The following SHISA6 variants were observed in gnomAD, a reference collection of about 807,000 sequenced individuals.
The protein encoded by SHISA6 is shisa family member 6, also known as protein shisa-6.
In SHISA6, 22 loss-of-function variants were observed where a neutral mutation model predicts 47.9. The ratio of observed to expected loss-of-function variants is 0.46; its 90% CI spans 0.33 to 0.66. SHISA6 has a LOEUF of 0.66. SHISA6 is among the 30% of genes least tolerant of loss of function. SHISA6 has a pLI of 0.02. For synonymous variants in SHISA6, 388 were observed against 337.8 expected (o/e 1.15, Z -1.63); for missense variants, 680 against 764.6 (o/e 0.89, Z 1.30).
At chr17:11,382,232 T>G (rs1913035584) in intron 3 of SHISA6, among the ~76,000 whole-genome samples, 1 of 151,894 alleles carries the variant, frequency 6.6e-6, no homozygotes, top group Non-Finnish European at 1.5e-5. Context: ...GCTCCCATGC[T>G]CAGCTAATTT....
chr17:11,263,521 C>T lies in SHISA6; in HGVS notation c.794C>T (p.Thr265Ile). 6.4e-7 allele frequency: 1 copy of T among 1,551,682 alleles called. No homozygotes were observed. The highest frequency in any genetic ancestry group is 8.7e-7 in the Non-Finnish European group (1 of 1,146,970). The change falls in exon 2 of 6, where the codon ACT becomes ATT. Residue 265 changes from threonine (T) to isoleucine (I), a missense_variant. Physicochemically the swap from Thr to Ile is moderately conservative, Grantham distance 89. This residue lies in a region of SHISA6 where 559 missense variants were observed against 674.1 expected (regional missense o/e 0.83). Coordinates refer to ENST00000441885, the MANE Select transcript of SHISA6 (RefSeq NM_207386.4). ...ACTCCTGTGCGTACGGCCAAGCAGA[C>T]TCCAGGTAAGTAACAGCTGGGCACC... ...HYTPVRTAKQ[T>I]PGHYGKDAYR...
intron 3 of SHISA6, among the ~76,000 whole-genome samples, chr17:11,388,827 T>A (rs1913289587): frequency 1.0e-5 from 1 of 100,166 alleles, no homozygotes; most frequent in Non-Finnish European, 1.9e-5. Flanking sequence ...TATATATATA[T>A]ATATATATAT....
In SHISA6 at chr17:11,377,952, A is replaced by G. The variant is rs115555564; in HGVS notation, c.800-1462A>G. ...TGTGCAGAACGTGCAGGTTTGTTAC[A>G]TAGGTAAACATGTGCTAAGGTGGTT... On this transcript the variant is annotated intron_variant, in intron 2 of 5. Transcript: ENST00000441885. Among the ~76,000 whole-genome samples the G allele has an allele frequency of 5.5e-3, 834 of 152,356 alleles. 8 individuals are homozygous for G. The highest frequency in any genetic ancestry group is 0.019 in the African/African-American group (798 of 41,580).
intron 3 of SHISA6, among the ~76,000 whole-genome samples, chr17:11,460,323 T>C (rs1350961042): frequency 6.6e-6 from 1 of 152,114 alleles, no homozygotes; most frequent in Non-Finnish European, 1.5e-5. Flanking sequence ...ATGATAGACC[T>C]GAGTCCAGCA....
intron 2 of SHISA6, among the ~76,000 whole-genome samples, chr17:11,271,780 C>A (rs1474243991): frequency 1.3e-5 from 2 of 151,994 alleles, no homozygotes; most frequent in African/African-American, 4.8e-5. Flanking sequence ...TTTAACAAGA[C>A]CCCCTCTGCT....
Position 11,279,419 on chromosome 17 carries a change from GTAT to G in SHISA6, c.799+15899_799+15901del, listed in dbSNP as rs763585091. Among the ~76,000 whole-genome samples the G allele has an allele frequency of 2.6e-4, 39 of 152,218 alleles. No homozygotes were observed. In the Middle Eastern group the frequency reaches 0.01, roughly 40 times the overall value. On this transcript the variant is annotated intron_variant, in intron 2 of 5. Coordinates refer to ENST00000441885, the MANE Select transcript of SHISA6 (RefSeq NM_207386.4). ...GATGTGCACAAAATGGTAGCCCTTT[GTAT>G]TATTACTATTAGGGAGCTAGGATCA...
intron 2 of SHISA6, among the ~76,000 whole-genome samples, chr17:11,303,261 GGTT>G (rs1909989232): frequency 6.6e-6 from 1 of 151,520 alleles, no homozygotes; most frequent in South Asian, 2.1e-4. Context: ...GTGTGATTGT[GGTT>G]GTGAGTATGT....
intron 2 of SHISA6, among the ~76,000 whole-genome samples, chr17:11,274,615 G>C (rs1171685326): frequency 6.6e-6 from 1 of 152,148 alleles, no homozygotes; most frequent in Non-Finnish European, 1.5e-5. Context: ...ACAGAGTAAA[G>C]GCTATTTGGG....
chr17:11,254,442 A>G (rs770683495), intron 1 of SHISA6, among the ~76,000 whole-genome samples: 5 of 152,234 alleles, frequency 3.3e-5, no homozygotes, highest in Non-Finnish European at 2.9e-5. Flanking sequence ...TACGCCACTC[A>G]GATAAGAATG....
At chr17:11,344,159 A>G (rs545910719) in intron 2 of SHISA6, among the ~76,000 whole-genome samples, 20 of 152,134 alleles carry the variant, frequency 1.3e-4, no homozygotes, top group Admixed American at 1.1e-3. Flanking sequence ...TCTTTCATCT[A>G]TTTTTTATTT....
At chr17:11,397,787 G>A (rs901116151) in intron 3 of SHISA6, among the ~76,000 whole-genome samples, 1 of 151,614 alleles carries the variant, frequency 6.6e-6, no homozygotes, top group African/African-American at 2.4e-5. Context: ...TGAAGTCTTG[G>A]TTTTGCTAGG....
intron 3 of SHISA6, among the ~76,000 whole-genome samples, chr17:11,484,927 T>C (rs534357636): frequency 1.3e-5 from 2 of 152,258 alleles, no homozygotes; most frequent in Admixed American, 1.3e-4. Context: ...ATCACCAAAG[T>C]GAATCCATAA....
intron 3 of SHISA6, among the ~76,000 whole-genome samples, chr17:11,471,747 G>A (rs1272080385): frequency 1.3e-5 from 2 of 152,150 alleles, no homozygotes; most frequent in Admixed American, 6.5e-5. Context: ...GTAGTGAGGG[G>A]AGCACCATGC....
rs551617674 is a variant in SHISA6, at chr17:11,515,893, C to A, written c.896-36003C>A. On this transcript the variant is annotated intron_variant, in intron 3 of 5. Coordinates refer to ENST00000441885, the MANE Select transcript of SHISA6 (RefSeq NM_207386.4). ...ACTTTTCCTTCAAGTTGTCACAATG[C>A]AGACTTCTGCTCTGGCTGTGAGCTT... 2.0e-5 allele frequency among the ~76,000 whole-genome samples: 3 copies of A among 152,272 alleles called. No homozygotes were observed. In the South Asian group the frequency reaches 6.2e-4, roughly 32 times the overall value.
At chr17:11,366,524 G>T (rs1413793888) in intron 2 of SHISA6, among the ~76,000 whole-genome samples, 1 of 152,218 alleles carries the variant, frequency 6.6e-6, no homozygotes, top group African/African-American at 2.4e-5. Flanking sequence ...TTTAGGAGAA[G>T]ACTTTTCTGT....
intron 3 of SHISA6, among the ~76,000 whole-genome samples, chr17:11,466,794 C>G (rs1915819873): frequency 6.6e-6 from 1 of 152,164 alleles, no homozygotes; most frequent in Non-Finnish European, 1.5e-5. Context: ...TTGGCAATTG[C>G]CTCCCACGGG....
rs373647044 is a variant in SHISA6 at position 11,285,507 on chromosome 17, C to T, written c.799+21981C>T. ...TTATTGTTTGAAATAATGATTTTGA[C>T]ACCTTTTAAAAAATGAATCCTACTG... On this transcript the variant is annotated intron_variant, in intron 2 of 5. Transcript: ENST00000441885. 2.6e-5 allele frequency among the ~76,000 whole-genome samples: 4 copies of T among 152,286 alleles called. No individual in the cohort carries two copies. The East Asian group carries it at 7.7e-4, about 29-fold the overall frequency.
At chr17:11,296,777 AG>A (rs1909764848) in intron 2 of SHISA6, among the ~76,000 whole-genome samples, 1 of 152,140 alleles carries the variant, frequency 6.6e-6, no homozygotes, top group Non-Finnish European at 1.5e-5. Context: ...TTTGCATAGC[AG>A]GAGCGTGGGA....
chr17:11,430,807 C>A (rs1273932239), intron 3 of SHISA6, among the ~76,000 whole-genome samples: 1 of 152,206 alleles, frequency 6.6e-6, no homozygotes, highest in Non-Finnish European at 1.5e-5. Flanking sequence ...CTGAATGCTT[C>A]TTACTTTGGA....
Sources: allele counts gnomAD v4.1 joint callset (sites outside exome capture counted in the v4.1 genomes callset), GRCh38; gene constraint gnomAD v4.1.1; regional missense constraint gnomAD v4.1.1; transcripts MANE v1.5; gene names NCBI Gene and HGNC (gene_info 2026-07-23, HGNC 2026-07-21).